ACTN1: variants seen among roughly 807,000 people sequenced by gnomAD.
The protein encoded by ACTN1 is actinin alpha 1, also known as alpha-actinin-1.
A neutral mutation model predicts 119.6 loss-of-function variants in ACTN1; 30 were observed. The observed-to-expected ratio is 0.25, with a 90% CI of 0.19 to 0.34. The LOEUF is 0.34. Ranked by LOEUF, ACTN1 falls within the 10% of genes least tolerant of loss-of-function variation. The pLI, the probability that ACTN1 is intolerant of heterozygous loss-of-function variation, is 1.00. For synonymous variants in ACTN1, 429 were observed against 472.6 expected (o/e 0.91, Z 1.20); for missense variants, 764 against 1,223.4 (o/e 0.62, Z 5.60).
At position 68,884,160 on chromosome 14, in the gene ACTN1, G is replaced by A; in HGVS notation, c.1635+8C>T. On this transcript the variant is annotated splice_region_variant and intron_variant, in intron 14 of 21. Coordinates refer to ENST00000394419, the MANE Select transcript of ACTN1 (RefSeq NM_001130004.2). Reference sequence around the variant, plus strand: ...AGCCAGCCTCCGGGGAGTGGAGGTGGGGCTCACCTGGATCTCCTCAATGGT... The same window carrying A: ...AGCCAGCCTCCGGGGAGTGGAGGTGAGGCTCACCTGGATCTCCTCAATGGT... 2 of 1,608,616 alleles carry A rather than the reference G, an allele frequency of 1.2e-6. No homozygotes were observed. The highest frequency in any genetic ancestry group is 1.7e-6 in the Non-Finnish European group (2 of 1,176,384).
intron 8 of ACTN1, among the ~76,000 whole-genome samples, chr14:68,900,665 C>T (rs2033249591): frequency 6.6e-6 from 1 of 152,114 alleles, no homozygotes. Flanking sequence ...GACAGAGACA[C>T]AGGAGGTCAT....
At chr14:68,894,296 C>G (rs2032718349) in intron 8 of ACTN1, among the ~76,000 whole-genome samples, 1 of 152,212 alleles carries the variant, frequency 6.6e-6, no homozygotes, top group African/African-American at 2.4e-5. Flanking sequence ...TTAGAGAAAA[C>G]TGACGGACAT....
rs575671282 is a variant in ACTN1, at chr14:68,963,133, C to T, written c.105+15819G>A. On this transcript the variant is annotated intron_variant, in intron 1 of 21. Transcript: ENST00000394419. ...CTCCCCTTGACCCTGCCCCCGCACC[C>T]GCTTGGCCTGACTCACATATTCCAG... Among the ~76,000 whole-genome samples, 5 of 152,362 alleles carry T rather than the reference C, an allele frequency of 3.3e-5. No homozygotes were observed. In the East Asian group the frequency reaches 5.8e-4, roughly 18 times the overall value.
intron 2 of ACTN1, among the ~76,000 whole-genome samples, chr14:68,923,329 G>C (rs886083246): frequency 3.3e-5 from 5 of 152,186 alleles, no homozygotes; most frequent in African/African-American, 4.8e-5. Flanking sequence ...TAGGTGCTGG[G>C]GAGCTGGGCA....
intron 1 of ACTN1, among the ~76,000 whole-genome samples, chr14:68,952,721 G>A (rs768382417): frequency 1.3e-5 from 2 of 151,590 alleles, no homozygotes; most frequent in Non-Finnish European, 2.9e-5. Flanking sequence ...AAAATTAAAC[G>A]TTCAGTATCT....
chr14:68,877,063 C>A lies in ACTN1; in HGVS notation c.2586+19G>T, dbSNP rs200162044. The A allele has an allele frequency of 4.3e-5, 69 of 1,613,530 alleles. No individual in the cohort carries two copies. The Middle Eastern group carries it at 8.3e-4, about 19-fold the overall frequency. On this transcript the variant is annotated intron_variant, in intron 21 of 21. Coordinates refer to ENST00000394419, the MANE Select transcript of ACTN1 (RefSeq NM_001130004.2). ...AGTGCCTGCCACCCCAGCACAGTGC[C>A]CACCCATAGGACACCCACCTTGTCC...
chr14:68,948,354 ATCACC>A (rs2140522229), intron 1 of ACTN1, among the ~76,000 whole-genome samples: 1 of 152,352 alleles, frequency 6.6e-6, no homozygotes, highest in East Asian at 1.9e-4. Context: ...AGGTGGGTGG[ATCACC>A]TGAGGTCAGG....
At chr14:68,893,862 G>A (rs2032692284) in intron 8 of ACTN1, 115 bp from the exon 9 acceptor site, 2 of 937,208 alleles carry the variant, frequency 2.1e-6, no homozygotes, top group South Asian at 1.6e-5. Context: ...GGTTGGAAGG[G>A]AGTTAAGAAG....
At position 68,978,988 on chromosome 14, in the gene ACTN1, C is replaced by A. The variant is rs2037173211; in HGVS notation, c.69G>T (p.Leu23=). ...GCTTCTCCCAGGCCGGGTCCAGGAGCAGGTCCCGGTCCCAGTCCTCTTCTG... is the reference window on the plus strand; with the variant it reads ...GCTTCTCCCAGGCCGGGTCCAGGAGAAGGTCCCGGTCCCAGTCCTCTTCTG... ...MQPEEDWDRD[L]LLDPAWEKQQ... Residue 23 remains leucine (L), a synonymous_variant, in exon 1 of 22, where the codon CTG becomes CTT. Transcript: ENST00000394419. 1 of 1,602,120 alleles carries A rather than the reference C, an allele frequency of 6.2e-7. No homozygotes were observed. Among genetic ancestry groups the A allele is most frequent in the African/African-American group, 1.4e-5 (1 of 74,056 alleles).
At chr14:68,964,122 G>C (rs1371256661) in intron 1 of ACTN1, among the ~76,000 whole-genome samples, 1 of 152,116 alleles carries the variant, frequency 6.6e-6, no homozygotes, top group African/African-American at 2.4e-5. Flanking sequence ...CAGCAAATAA[G>C]GGGCTCCAGC....
rs1270099044 is a variant in ACTN1 at position 68,885,756 on chromosome 14, C to T, written c.1235-181G>A. On this transcript the variant is annotated intron_variant, in intron 11 of 21. Transcript: ENST00000394419. This position sits in a 1 kb window ranked among gnomAD's most constrained non-coding sequence, Gnocchi z 5.6. The stretch of plus-strand genomic sequence containing the variant: ...TGCAACTAGAACATCCACCAACCGG[C>T]GCAACGGGGAAAAGCACTCTCCTCA... 25 of 673,550 alleles carry T rather than the reference C, an allele frequency of 3.7e-5. No homozygotes were observed. Among genetic ancestry groups the T allele is most frequent in the Non-Finnish European group, 5.7e-5 (23 of 405,660 alleles). 41.7% of individuals were successfully genotyped at this position (673,550 alleles called of 1,614,324 possible). A position where few individuals can be genotyped will look rare whatever the true frequency, so the allele number is the denominator to read the frequency against.
intron 1 of ACTN1, among the ~76,000 whole-genome samples, chr14:68,952,764 T>C (rs1395774496): frequency 6.6e-6 from 1 of 152,122 alleles, no homozygotes; most frequent in Non-Finnish European, 1.5e-5. Flanking sequence ...GGCCGAGCCT[T>C]AAAGAGCCAG....
At chr14:68,955,178 G>A (rs913819986) in intron 1 of ACTN1, among the ~76,000 whole-genome samples, 1 of 152,224 alleles carries the variant, frequency 6.6e-6, no homozygotes, top group African/African-American at 2.4e-5. Context: ...AGCAGCCAGA[G>A]GGTTTCTTGA....
rs1337710760 is a variant in ACTN1, at chr14:68,874,712, G to A, written c.*147C>T. ...AAATAATTTTGTAAACTGTCACTTC[G>A]CGGGCAGGGAGGATCGATGCCACGT... On this transcript the variant is annotated 3_prime_UTR_variant, in exon 22 of 22. Coordinates refer to ENST00000394419, the MANE Select transcript of ACTN1 (RefSeq NM_001130004.2). 1.4e-6 allele frequency: 1 copy of A among 718,682 alleles called. No individual in the cohort carries two copies. Among genetic ancestry groups the A allele is most frequent in the African/African-American group, 1.8e-5 (1 of 54,884 alleles). 44.5% of individuals were successfully genotyped at this position (718,682 alleles called of 1,614,324 possible). A position where few individuals can be genotyped will look rare whatever the true frequency, so the allele number is the denominator to read the frequency against.
chr14:68,900,364 A>G (rs1218320550), intron 8 of ACTN1, among the ~76,000 whole-genome samples: 1 of 152,030 alleles, frequency 6.6e-6, no homozygotes, highest in Non-Finnish European at 1.5e-5. Flanking sequence ...ACAACTGTCC[A>G]TGGCAGCCTG....
At chr14:68,903,974 A>G (rs1244129348) in intron 7 of ACTN1, among the ~76,000 whole-genome samples, 1 of 152,172 alleles carries the variant, frequency 6.6e-6, no homozygotes, top group African/African-American at 2.4e-5. Context: ...CATCCTGGCT[A>G]GCAGCATCTG....
Position 68,879,796 on chromosome 14 carries a change from C to T in ACTN1, c.2280+166G>A. 1.0e-6 allele frequency: 1 copy of T among 955,452 alleles called. No homozygotes were observed. The highest frequency in any genetic ancestry group is 1.5e-6 in the Non-Finnish European group (1 of 658,872). The allele number at this position is 955,452 out of a possible 1,614,324, so 59.2% of individuals were successfully genotyped here. On this transcript the variant is annotated intron_variant, in intron 18 of 21. Transcript: ENST00000394419. This position sits in a 1 kb window ranked among gnomAD's most constrained non-coding sequence, Gnocchi z 4.9. ...TTATGGGGCACCAACACAGGTTTTC[C>T]AAGGCTGGTTTTGCAGGGTGCATTG...
intron 7 of ACTN1, among the ~76,000 whole-genome samples, chr14:68,904,032 G>C (rs2033512115): frequency 6.6e-6 from 1 of 152,068 alleles, no homozygotes; most frequent in Admixed American, 6.5e-5. Context: ...ACTCAACTTG[G>C]GCCCCCTCCT....
intron 1 of ACTN1, 139 bp downstream of exon 1, chr14:68,978,813 A>C: frequency 2.0e-6 from 1 of 509,136 alleles, no homozygotes; most frequent in Non-Finnish European, 3.3e-6. Context: ...CCCACCTCGC[A>C]ACGGCCGCAC....
Sources: allele counts gnomAD v4.1 joint callset (sites outside exome capture counted in the v4.1 genomes callset), GRCh38; gene constraint gnomAD v4.1.1; non-coding constraint Gnocchi (gnomAD v3.1); transcripts MANE v1.5; gene names NCBI Gene and HGNC (gene_info 2026-07-23, HGNC 2026-07-21).